Variants in SPATA31C2 observed in about 807,000 individuals in gnomAD.
The protein encoded by SPATA31C2 is spermatogenesis-associated protein 31C2.
In SPATA31C2, 5 loss-of-function variants were observed where a neutral mutation model predicts 11.4. That is an observed-to-expected ratio of 0.44 (90% CI 0.23 to 0.92). SPATA31C2 has a LOEUF of 0.92. SPATA31C2 is among the 40% of genes least tolerant of loss of function. SPATA31C2 has a pLI of 0.24. For missense variants in SPATA31C2, 1,353 were observed against 1,368.6 expected (o/e 0.99, Z 0.18); for synonymous variants, 515 against 538.7 (o/e 0.96, Z 0.61).
chr9:88,134,423 G>A (rs1825651606), intron 1 of SPATA31C2, among the ~76,000 whole-genome samples: 1 of 150,728 alleles, frequency 6.6e-6, no homozygotes, highest in African/African-American at 2.4e-5. Flanking sequence ...GGACTGATGA[G>A]CCAGGGCTCA....
rs773905943 is a variant in SPATA31C2 at position 88,131,739 on chromosome 9, T to G, written c.1298A>C (p.Glu433Ala). The G allele has an allele frequency of 6.2e-7, 1 of 1,611,914 alleles. No homozygotes were observed. The highest frequency in any genetic ancestry group is 1.7e-5 in the Admixed American group (1 of 59,998). Residue 433 changes from glutamate to alanine, a missense_variant, in exon 4 of 4, where the codon GAA (glutamate) becomes GCA (alanine). Physicochemically the swap from Glu to Ala is moderately radical, Grantham distance 107. This residue lies in a region of SPATA31C2 where 1,075 missense variants were observed against 992.8 expected (regional missense o/e 1.08). Coordinates refer to ENST00000324915, the MANE Select transcript of SPATA31C2 (RefSeq NM_001350978.3). ...FSVSTPNLPQ[E>A]RLTSILPENF... ...CTCAGGCAGAATGGATGTCAGTCTT[T>G]CCTGGGGAAGGTTAGGAGTGGAGAC...
rs1280703337 is a variant in SPATA31C2 at position 88,131,921 on chromosome 9, C to G, written c.1116G>C (p.Met372Ile). 7 of 1,610,458 alleles carry G rather than the reference C, an allele frequency of 4.3e-6. No homozygotes were observed. The South Asian group carries it at 7.7e-5, about 18-fold the overall frequency. ...PVLSPAFLSP[M>I]KNTGVACPAS... ...CAGGGCAAGCTACTCCAGTGTTCTT[C>G]ATCGGGGATAGAAAAGCAGGAGATA... is the stretch of plus-strand genomic sequence containing the variant. The change falls in exon 4 of 4, where the codon ATG (methionine) becomes ATC (isoleucine). Residue 372 changes from methionine to isoleucine, a missense_variant. By Grantham distance (10) the Met-to-Ile change is conservative (BLOSUM62 1). Transcript: ENST00000324915.
chr9:88,132,013 G>A lies in SPATA31C2; in HGVS notation c.1024C>T (p.Gln342Ter). Residue 342 changes from glutamine (Q) to a stop codon, truncating the protein, a stop_gained, in exon 4 of 4, where the codon CAA (glutamine) becomes TAA (stop). Transcript: ENST00000324915. LOFTEE classifies it low-confidence loss of function (END_TRUNC). ...ESQPFISSTP[Q>*]FWPTPMAQAE... ...TGAGCCATAGGTGTGGGCCAGAATT[G>A]GGGTGTGGATGAAATAAAGGGTTGG... is the stretch of plus-strand genomic sequence containing the variant. 6.2e-7 allele frequency: 1 copy of A among 1,610,970 alleles called. No individual in the cohort carries two copies.
At chr9:88,134,371 C>T (rs1361633669) in intron 1 of SPATA31C2, among the ~76,000 whole-genome samples, 3 of 146,254 alleles carry the variant, frequency 2.1e-5, no homozygotes, top group African/African-American at 7.4e-5. Context: ...CATATCACCC[C>T]ACACAGAAGA....
In SPATA31C2 at chr9:88,133,502, C is replaced by T. The variant is rs539929467; in HGVS notation, c.265+92G>A. ...CTGATTTCCTTCCTAGGAGCCCCCA[C>T]CTCAGGTTTTTTCAACTGACTTCTT... On this transcript the variant is annotated intron_variant, in intron 2 of 3. Coordinates refer to ENST00000324915, the MANE Select transcript of SPATA31C2 (RefSeq NM_001350978.3). 266 of 1,528,832 alleles carry T rather than the reference C, an allele frequency of 1.7e-4. No individual in the cohort carries two copies. The African/African-American group carries it at 3.7e-3, about 22-fold the overall frequency. The allele number at this position is 1,528,832 out of a possible 1,614,324, so 94.7% of individuals were successfully genotyped here.
In SPATA31C2 at chr9:88,132,137, G is replaced by A. The variant is rs747342711; in HGVS notation, c.900C>T (p.Asn300=). The A allele has an allele frequency of 1.8e-4, 290 of 1,610,508 alleles. 1 individual carries two copies. Among genetic ancestry groups the A allele is most frequent in the Non-Finnish European group, 2.3e-4 (272 of 1,177,586 alleles). The change falls in exon 4 of 4, where the codon AAC becomes AAT. Residue 300 remains asparagine, a synonymous_variant. Transcript: ENST00000324915. ...QETTKTWCVF[N]SSVQQDHLSR... Reference sequence around the variant, plus strand: ...AAAGATGATCTTGCTGGACTGACGAGTTGAAGACGCACCAGGTTTTGGTAG... The same window carrying A: ...AAAGATGATCTTGCTGGACTGACGAATTGAAGACGCACCAGGTTTTGGTAG...
Position 88,132,613 on chromosome 9 carries a change from G to C in SPATA31C2, c.424C>G (p.Arg142Gly), listed in dbSNP as rs532269947. ...VGKRTPDGASRSSHEPTEDAA... is the reference protein window; with the variant it reads ...VGKRTPDGASGSSHEPTEDAA... Reference sequence around the variant, plus strand: ...TCTTCCGTAGGCTCATGAGAGGACCGGGAGGCTCCATCAGGTGTTCTTTTG... The same window carrying C: ...TCTTCCGTAGGCTCATGAGAGGACCCGGAGGCTCCATCAGGTGTTCTTTTG... The change falls in exon 4 of 4, where the codon CGG becomes GGG. Residue 142 changes from arginine to glycine, a missense_variant. Physicochemically the swap from Arg to Gly is moderately radical, Grantham distance 125. This residue lies in a region of SPATA31C2 where 1,075 missense variants were observed against 992.8 expected (regional missense o/e 1.08). Transcript: ENST00000324915. The C allele has an allele frequency of 4.3e-6, 7 of 1,609,820 alleles. No individual in the cohort carries two copies. Among genetic ancestry groups the C allele is most frequent in the Non-Finnish European group, 5.9e-6 (7 of 1,177,568 alleles).
Position 88,131,909 on chromosome 9 carries a change from T to A in SPATA31C2, c.1128A>T (p.Gly376=). ...TATTCTGCGACGCAGGGCAAGCTAC[T>A]CCAGTGTTCTTCATCGGGGATAGAA... ...PAFLSPMKNT[G]VACPASQNKV... The change falls in exon 4 of 4, where the codon GGA becomes GGT. Residue 376 remains glycine (G), a synonymous_variant. Transcript: ENST00000324915. 6.2e-7 allele frequency: 1 copy of A among 1,610,356 alleles called. No homozygotes were observed. The highest frequency in any genetic ancestry group is 2.1e-4 in the Middle Eastern group (1 of 4,712).
At position 88,131,951 on chromosome 9, in the gene SPATA31C2, T is replaced by G. The variant is rs1173209969; in HGVS notation, c.1086A>C (p.Pro362=). 3.7e-6 allele frequency: 6 copies of G among 1,610,912 alleles called. No homozygotes were observed. The highest frequency in any genetic ancestry group is 5.1e-6 in the Non-Finnish European group (6 of 1,178,046). ...GGGATAGAAAAGCAGGAGATAGGAC[T>G]GGGAAAGAGGATTGAAGATGGGCCT... ...EAQAHLQSSF[P]VLSPAFLSPM... The change falls in exon 4 of 4, where the codon CCA becomes CCC. Residue 362 remains proline (P), a synonymous_variant. Coordinates refer to ENST00000324915, the MANE Select transcript of SPATA31C2 (RefSeq NM_001350978.3).
rs1825578189 is a variant in SPATA31C2, at chr9:88,130,864, C to T, written c.2173G>A (p.Val725Ile). The change falls in exon 4 of 4, where the codon GTT (valine) becomes ATT (isoleucine). Residue 725 changes from valine (V) to isoleucine (I), a missense_variant. By Grantham distance (29) the Val-to-Ile change is conservative. Transcript: ENST00000324915. ...GCCTGAAGCCTCTCTGGCATGTGAA[C>T]AGATGGTTTGGTCAGCACCTGCTTT... The part of the protein sequence containing the change: ...LRKQVLTKPS[V>I]HMPERLQASS... 6.2e-7 allele frequency: 1 copy of T among 1,613,626 alleles called. No homozygotes were observed. Among genetic ancestry groups the T allele is most frequent in the South Asian group, 1.1e-5 (1 of 91,072 alleles).
At chr9:88,133,716 T>C (rs1244777386) in intron 1 of SPATA31C2, 47 bp from the exon 2 acceptor site, 2 of 1,499,890 alleles carry the variant, frequency 1.3e-6, no homozygotes, top group South Asian at 1.1e-5. Context: ...TCTCCCTCTC[T>C]GCCCCCAGCC....
At position 88,132,669 on chromosome 9, in the gene SPATA31C2, A is replaced by G. The variant is rs1159223416; in HGVS notation, c.368T>C (p.Leu123Pro). The G allele has an allele frequency of 1.2e-6, 2 of 1,607,654 alleles. No homozygotes were observed. The highest frequency in any genetic ancestry group is 4.5e-5 in the East Asian group (2 of 44,586). ...PHLEKGDFGQ[L>P]SGPDPPGEVG... ...CTCACCTGGCGGGTCTGGACCAGAGAGCTGACCAAAGTCACCTTTTTCAAG... is the reference window on the plus strand; with the variant it reads ...CTCACCTGGCGGGTCTGGACCAGAGGGCTGACCAAAGTCACCTTTTTCAAG... Residue 123 changes from leucine (L) to proline (P), a missense_variant, in exon 4 of 4, where the codon CTC becomes CCC. Physicochemically the swap from Leu to Pro is moderately conservative, Grantham distance 98. This residue lies in a region of SPATA31C2 where 1,075 missense variants were observed against 992.8 expected (regional missense o/e 1.08). Coordinates refer to ENST00000324915, the MANE Select transcript of SPATA31C2 (RefSeq NM_001350978.3).
In SPATA31C2 at chr9:88,132,540, T is replaced by C. The variant is rs1296440367; in HGVS notation, c.497A>G (p.Lys166Arg). The C allele has an allele frequency of 4.3e-6, 7 of 1,610,580 alleles. No homozygotes were observed. The highest frequency in any genetic ancestry group is 1.6e-4 in the Middle Eastern group (1 of 6,068). Residue 166 changes from lysine to arginine, a missense_variant, in exon 4 of 4, where the codon AAG becomes AGG. Coordinates refer to ENST00000324915, the MANE Select transcript of SPATA31C2 (RefSeq NM_001350978.3). ...SPLASPDPRT[K>R]HPQDLASTPP... is the part of the protein sequence containing the mutation. The stretch of plus-strand genomic sequence containing the variant: ...GGTGGAGGCCAGATCCTGAGGATGC[T>C]TGGTTCGAGGATCCGGGGAAGCTAA...
Position 88,131,078 on chromosome 9 carries a change from A to G in SPATA31C2, c.1959T>C (p.Phe653=). The G allele has an allele frequency of 6.2e-7, 1 of 1,611,906 alleles. No individual in the cohort carries two copies. The highest frequency in any genetic ancestry group is 8.5e-7 in the Non-Finnish European group (1 of 1,179,866). ...GTAGACCCCACCTGTGTTTGGCCCAAAACCTCACAATATGGGCTCCCAGCA... is the reference window on the plus strand; with the variant it reads ...GTAGACCCCACCTGTGTTTGGCCCAGAACCTCACAATATGGGCTCCCAGCA... The part of the protein sequence containing the change: ...QQVLGAHIVR[F]WAKHRWGLPL... The change falls in exon 4 of 4, where the codon TTT becomes TTC. Residue 653 remains phenylalanine (F), a synonymous_variant. Coordinates refer to ENST00000324915, the MANE Select transcript of SPATA31C2 (RefSeq NM_001350978.3).
chr9:88,133,738 C>T (rs541734015), intron 1 of SPATA31C2, 69 bp from the exon 2 acceptor site: 79 of 1,592,588 alleles, frequency 5.0e-5, no homozygotes, highest in South Asian at 2.3e-4. Flanking sequence ...AGCCGCAGCA[C>T]GCTGCACTCA....
At position 88,130,388 on chromosome 9, in the gene SPATA31C2, C is replaced by T; in HGVS notation, c.2649G>A (p.Gly883=). The T allele has an allele frequency of 2.5e-6, 4 of 1,611,372 alleles. No homozygotes were observed. The highest frequency in any genetic ancestry group is 3.4e-6 in the Non-Finnish European group (4 of 1,179,434). The change falls in exon 4 of 4, where the codon GGG becomes GGA. Residue 883 remains glycine, a synonymous_variant. Transcript: ENST00000324915. ...AAGCATGGGGCACAACAGATGCTTG[C>T]CCATCTGGAAGGAGCACAACAGTGG... ...VSATVVLLPD[G]QASVVPHASE...
rs1825625933 is a variant in SPATA31C2 at position 88,132,915 on chromosome 9, G to T, written c.326+51C>A. The T allele has an allele frequency of 1.3e-5, 18 of 1,342,762 alleles. 2 individuals are homozygous for T. The Middle Eastern group carries it at 3.6e-3, about 269-fold the overall frequency. The allele number at this position is 1,342,762 out of a possible 1,614,324, so 83.2% of individuals were successfully genotyped here. Reference sequence around the variant, plus strand: ...GCTCCAGGCTGCCTGTGGCCCTGGGGTCACGTCCCAGCCCTGGTAGGAAGG... The same window carrying T: ...GCTCCAGGCTGCCTGTGGCCCTGGGTTCACGTCCCAGCCCTGGTAGGAAGG... On this transcript the variant is annotated intron_variant, in intron 3 of 3. Coordinates refer to ENST00000324915, the MANE Select transcript of SPATA31C2 (RefSeq NM_001350978.3).
Position 88,129,671 on chromosome 9 carries a change from C to T in SPATA31C2, c.3366G>A (p.Gln1122=). Residue 1122 remains glutamine (Q), a synonymous_variant, in exon 4 of 4, where the codon CAG becomes CAA. Transcript: ENST00000324915. ...TTTGTCTGTCTCTGTTGGGACGACT[C>T]TGGTTCTTGAGAGTGGCTTGTTGAC... is the stretch of plus-strand genomic sequence containing the variant. The part of the protein sequence containing the change: ...ASSQQATLKN[Q]SRPNRDRQIR... The T allele has an allele frequency of 6.2e-7, 1 of 1,603,676 alleles. No homozygotes were observed. The highest frequency in any genetic ancestry group is 1.1e-5 in the South Asian group (1 of 90,954).
In SPATA31C2 at chr9:88,132,553, C is replaced by A. The variant is rs1271141442; in HGVS notation, c.484G>T (p.Asp162Tyr). Residue 162 changes from aspartate (D) to tyrosine (Y), a missense_variant, in exon 4 of 4, where the codon GAT (aspartate) becomes TAT (tyrosine). By Grantham distance (160) the Asp-to-Tyr change is radical. Around this residue, in one of 6 missense-constraint regions of SPATA31C2, gnomAD observed 1,075 missense variants for 992.8 expected, o/e 1.08. Coordinates refer to ENST00000324915, the MANE Select transcript of SPATA31C2 (RefSeq NM_001350978.3). Reference protein sequence around the residue: ...APIVSPLASPDPRTKHPQDLA... With the variant: ...APIVSPLASPYPRTKHPQDLA... ...TCCTGAGGATGCTTGGTTCGAGGAT[C>A]CGGGGAAGCTAACGGGGAGACAATG... 2.5e-6 allele frequency: 4 copies of A among 1,610,550 alleles called. No homozygotes were observed. The African/African-American group carries it at 5.3e-5, about 22-fold the overall frequency.
Sources: allele counts gnomAD v4.1 joint callset (sites outside exome capture counted in the v4.1 genomes callset), GRCh38; gene constraint gnomAD v4.1.1; regional missense constraint gnomAD v4.1.1; transcripts MANE v1.5; gene names NCBI Gene and HGNC (gene_info 2026-07-23, HGNC 2026-07-21).